The following MEGF10 variants were observed in gnomAD, a reference collection of about 807,000 sequenced individuals.
MEGF10 encodes multiple epidermal growth factor-like domains protein 10.
A neutral mutation model predicts 147.5 loss-of-function variants in MEGF10; 86 were observed. That is an observed-to-expected ratio of 0.58 (90% CI 0.49 to 0.70). MEGF10 has a LOEUF of 0.70. Among genes scored for constraint, MEGF10 ranks in the 30% least tolerant of loss-of-function variants. The pLI is 0.00. For synonymous variants in MEGF10, 478 were observed against 525.5 expected (o/e 0.91, Z 1.24); for missense variants, 1,329 against 1,487.3 (o/e 0.89, Z 1.75).
chr5:127,415,201 C>T (rs1764712962), intron 9 of MEGF10, among the ~76,000 whole-genome samples: 1 of 152,092 alleles, frequency 6.6e-6, no homozygotes, highest in Admixed American at 6.5e-5. Context: ...GCCCCACGGG[C>T]TGTATTTAGG....
At chr5:127,384,364 A>G (rs1055927381) in intron 5 of MEGF10, among the ~76,000 whole-genome samples, 1 of 152,254 alleles carries the variant, frequency 6.6e-6, no homozygotes, top group Non-Finnish European at 1.5e-5. Flanking sequence ...GACTTTTTAT[A>G]GCAAGACATC....
the MEGF10 span, among the ~76,000 whole-genome samples, chr5:127,239,327 G>A: frequency 6.7e-6 from 1 of 149,022 alleles, no homozygotes; most frequent in Non-Finnish European, 1.5e-5. Flanking sequence ...ATAATTATAT[G>A]CTGGTTGTAT....
Position 127,391,145 on chromosome 5 carries a change from CACACACACAT to C in MEGF10, c.413-5383_413-5374del, listed in dbSNP as rs1561614967. 8.4e-3 allele frequency among the ~76,000 whole-genome samples: 656 copies of C among 77,914 alleles called. 18 individuals are homozygous for C. Among genetic ancestry groups the C allele is most frequent in the African/African-American group, 0.023 (612 of 26,428 alleles). 51.1% of individuals were successfully genotyped at this position (77,914 alleles called of 152,430 possible). On this transcript the variant is annotated intron_variant, in intron 5 of 24. Coordinates refer to ENST00000503335, the MANE Select transcript of MEGF10 (RefSeq NM_001256545.2). Reference sequence around the variant, plus strand: ...ACACACACACACACACACACACACACACACACACATACATGCTTATTTCTTTAGGAAAAAC... The same window carrying C: ...ACACACACACACACACACACACACACACATGCTTATTTCTTTAGGAAAAAC...
Position 127,433,440 on chromosome 5 carries a change from G to T in MEGF10, c.1771G>T (p.Ala591Ser). 1 of 1,614,044 alleles carries T rather than the reference G, an allele frequency of 6.2e-7. No homozygotes were observed. ...CSLPCYCKNGASCSPDDGICE... is the reference protein window; with the variant it reads ...CSLPCYCKNGSSCSPDDGICE... ...CCTGCCCTGCTACTGTAAAAATGGG[G>T]CTTCATGCTCCCCTGATGATGGCAT... Residue 591 changes from alanine to serine, a missense_variant, in exon 14 of 25, where the codon GCT (alanine) becomes TCT (serine). By Grantham distance (99) the Ala-to-Ser change is moderately conservative. Around this residue, in one of 3 missense-constraint regions of MEGF10, gnomAD observed 980 missense variants for 1,085.9 expected, o/e 0.90. Transcript: ENST00000503335.
chr5:127,333,889 A>G (rs1384807126), intron 2 of MEGF10, among the ~76,000 whole-genome samples: 1 of 152,192 alleles, frequency 6.6e-6, no homozygotes, highest in Non-Finnish European at 1.5e-5. Context: ...TGCAAACTCT[A>G]AAATGCTCAT....
intron 4 of MEGF10, among the ~76,000 whole-genome samples, chr5:127,341,019 C>G (rs1761660180): frequency 6.6e-6 from 1 of 152,140 alleles, no homozygotes; most frequent in Non-Finnish European, 1.5e-5. Context: ...GAGAGGCCAG[C>G]ATATTCTTTT....
In MEGF10 at chr5:127,344,655, GA is replaced by G. The variant is rs990756827; in HGVS notation, c.319+4034del. 5.5e-4 allele frequency among the ~76,000 whole-genome samples: 83 copies of G among 150,442 alleles called. No homozygotes were observed. The South Asian group carries it at 8.4e-3, about 15-fold the overall frequency. ...CATACGTATTAAATAATTTCGACTT[GA>G]AAAAAAAAGTTGAGAAAATTCTCCG... is the stretch of plus-strand genomic sequence containing the variant. On this transcript the variant is annotated intron_variant, in intron 4 of 24. Coordinates refer to ENST00000503335, the MANE Select transcript of MEGF10 (RefSeq NM_001256545.2).
chr5:127,434,593 T>G, intron 14 of MEGF10, 94 bp from the exon 15 acceptor site: 1 of 1,376,256 alleles, frequency 7.3e-7, no homozygotes, highest in Non-Finnish European at 9.6e-7. Context: ...AAGGTTTTGC[T>G]TTTTAACCTC....
intron 1 of MEGF10, among the ~76,000 whole-genome samples, chr5:127,300,603 T>C (rs893310106): frequency 7.2e-5 from 11 of 152,194 alleles, no homozygotes; most frequent in South Asian, 2.1e-4. Flanking sequence ...ATGGCTTTTT[T>C]TCTGTCTGCA....
At chr5:127,420,250 A>G in intron 12 of MEGF10, 43 bp downstream of exon 12, 3 of 1,590,126 alleles carry the variant, frequency 1.9e-6, no homozygotes, top group Non-Finnish European at 2.6e-6. Context: ...CCTATGAGGA[A>G]CTGATGTTGT....
At chr5:127,418,758 G>T (rs1764872107) in intron 10 of MEGF10, among the ~76,000 whole-genome samples, 1 of 152,126 alleles carries the variant, frequency 6.6e-6, no homozygotes, top group Admixed American at 6.5e-5. Flanking sequence ...TTATATTGAT[G>T]TTTATTTATT....
At chr5:127,380,069 T>TTG (rs1763193022) in intron 5 of MEGF10, among the ~76,000 whole-genome samples, 1 of 150,924 alleles carries the variant, frequency 6.6e-6, no homozygotes, top group African/African-American at 2.4e-5. Context: ...GTTAACTTGT[T>TTG]TTTTTTTTTT....
At chr5:127,424,852 T>C (rs556250344) in intron 13 of MEGF10, 1 of 153,152 alleles carries the variant, frequency 6.5e-6, no homozygotes, top group South Asian at 2.1e-4. Context: ...AACCAGATTT[T>C]GTGACTTCAC....
chr5:127,380,207 A>G (rs996077684), intron 5 of MEGF10, among the ~76,000 whole-genome samples: 58 of 152,010 alleles, frequency 3.8e-4, no homozygotes, highest in Admixed American at 3.8e-3. Flanking sequence ...CTTAATAAAT[A>G]TTTGTGGATG....
Position 127,369,986 on chromosome 5 carries a change from G to A in MEGF10, c.396G>A (p.Gly132=). Residue 132 remains glycine (G), a synonymous_variant, in exon 5 of 25, where the codon GGG becomes GGA. Transcript: ENST00000503335. ...NTCQCEPGWG[G]TNCSSACDGD... ...GTCAGTGTGAGCCTGGCTGGGGAGG[G>A]ACCAACTGCTCCAGTGGTAAGTTTC... is the stretch of plus-strand genomic sequence containing the variant. 1 of 1,613,248 alleles carries A rather than the reference G, an allele frequency of 6.2e-7. No individual in the cohort carries two copies.
chr5:127,230,311 C>A, the MEGF10 span, among the ~76,000 whole-genome samples: 17 of 152,126 alleles, frequency 1.1e-4, no homozygotes, highest in African/African-American at 4.1e-4. Flanking sequence ...GAAAAGTATG[C>A]GTCAAAATTA....
intron 1 of MEGF10, among the ~76,000 whole-genome samples, chr5:127,298,205 C>G (rs1281770135): frequency 6.6e-6 from 1 of 152,124 alleles, no homozygotes; most frequent in African/African-American, 2.4e-5. Context: ...TGAAGGCTAC[C>G]ACCTCCACCA....
chr5:127,246,936 G>GTATAT, the MEGF10 span, among the ~76,000 whole-genome samples: 4 of 4,054 alleles, frequency 9.9e-4, no homozygotes, highest in Admixed American at 3.7e-3. Context: ...AATAATATAT[G>GTATAT]ATTATATTAT....
At chr5:127,409,249 C>T (rs1440864471) in intron 8 of MEGF10, among the ~76,000 whole-genome samples, 1 of 152,166 alleles carries the variant, frequency 6.6e-6, no homozygotes, top group African/African-American at 2.4e-5. Flanking sequence ...TGTTATTATG[C>T]CTTACTGCTC....
Sources: allele counts gnomAD v4.1 joint callset (sites outside exome capture counted in the v4.1 genomes callset), GRCh38; gene constraint gnomAD v4.1.1; regional missense constraint gnomAD v4.1.1; transcripts MANE v1.5; gene names NCBI Gene and HGNC (gene_info 2026-07-23, HGNC 2026-07-21).